PTK2: variants seen among roughly 807,000 people sequenced by gnomAD.
PTK2 encodes protein tyrosine kinase 2.
In PTK2, 45 loss-of-function variants were observed where a neutral mutation model predicts 150.1. That is an observed-to-expected ratio of 0.30 (90% CI 0.24 to 0.38). The LOEUF is 0.38. Among genes scored for constraint, PTK2 ranks in the 10% least tolerant of loss-of-function variants. The pLI, the probability that PTK2 is intolerant of heterozygous loss-of-function variation, is 1.00. For synonymous variants in PTK2, 432 were observed against 449.2 expected (o/e 0.96, Z 0.48); for missense variants, 919 against 1,307.3 (o/e 0.70, Z 4.58).
At chr8:140,793,645 G>C (rs2100089896) in intron 12 of PTK2, among the ~76,000 whole-genome samples, 1 of 152,202 alleles carries the variant, frequency 6.6e-6, no homozygotes, top group Non-Finnish European at 1.5e-5. Flanking sequence ...GTTGGTGAAA[G>C]ACTTCGTTTG....
chr8:140,729,903 C>T (rs955306725), intron 22 of PTK2, among the ~76,000 whole-genome samples: 1 of 152,092 alleles, frequency 6.6e-6, no homozygotes, highest in Non-Finnish European at 1.5e-5. Flanking sequence ...CGTAAACTAA[C>T]GATGAAGATA....
At chr8:140,830,762 T>C (rs1465313647) in intron 7 of PTK2, among the ~76,000 whole-genome samples, 1 of 152,244 alleles carries the variant, frequency 6.6e-6, no homozygotes, top group Non-Finnish European at 1.5e-5. Flanking sequence ...GAAATCCTTT[T>C]GGTTTTTTCT....
intron 8 of PTK2, among the ~76,000 whole-genome samples, chr8:140,824,011 T>A (rs6578140): frequency 0.58 from 88,325 of 152,026 alleles, 27,291 homozygotes; most frequent in African/African-American, 0.79. Flanking sequence ...TGACTAAGAA[T>A]CTTAAAAAGA....
At chr8:140,676,107 T>C (rs2100013478) in intron 27 of PTK2, among the ~76,000 whole-genome samples, 1 of 152,224 alleles carries the variant, frequency 6.6e-6, no homozygotes, top group Non-Finnish European at 1.5e-5. Context: ...CTGGGCACAG[T>C]GGCTCATGCC....
chr8:140,965,146 T>C (rs1044298143), intron 1 of PTK2, among the ~76,000 whole-genome samples: 1 of 152,220 alleles, frequency 6.6e-6, no homozygotes, highest in African/African-American at 2.4e-5. Context: ...CCAAACTCTT[T>C]ATTATGACCC....
chr8:140,868,293 C>T (rs1392714664), intron 4 of PTK2, among the ~76,000 whole-genome samples: 2 of 152,002 alleles, frequency 1.3e-5, no homozygotes, highest in African/African-American at 4.8e-5. Context: ...AACACAGATG[C>T]CCTCATAAAA....
rs545275720 is a variant in PTK2, at chr8:140,659,488, A to G, written c.3137T>C (p.Leu1046Pro). The G allele has an allele frequency of 1.1e-4, 184 of 1,612,980 alleles. No homozygotes were observed. Among genetic ancestry groups the G allele is most frequent in the East Asian group, 7.4e-4 (33 of 44,886 alleles). ...GGCTCAGTGTGGTCTCGTCTGCCCAAGCATTTTCAGTCTTGCTTGGTCAAT... is the reference window on the plus strand; with the variant it reads ...GGCTCAGTGTGGTCTCGTCTGCCCAGGCATTTTCAGTCTTGCTTGGTCAAT... Residue 1046 changes from leucine (L) to proline (P), a missense_variant, in exon 32 of 32, where the codon CTT (leucine) becomes CCT (proline). Physicochemically the swap from Leu to Pro is moderately conservative, Grantham distance 98. Around this residue, in one of 3 missense-constraint regions of PTK2, gnomAD observed 106 missense variants for 161.8 expected, o/e 0.66. Coordinates refer to ENST00000522684, the Ensembl canonical transcript of PTK2.
At chr8:140,778,023 G>A (rs919176063) in intron 14 of PTK2, among the ~76,000 whole-genome samples, 26 of 152,202 alleles carry the variant, frequency 1.7e-4, no homozygotes, top group Middle Eastern at 3.4e-3. Flanking sequence ...CTCCTCACAC[G>A]GCAGCCTTGG....
chr8:140,843,467 G>C (rs2100123473), intron 7 of PTK2, among the ~76,000 whole-genome samples: 1 of 151,590 alleles, frequency 6.6e-6, no homozygotes, highest in Non-Finnish European at 1.5e-5. Context: ...CATACAGATA[G>C]GGTAGAATAC....
chr8:140,674,539 A>T (rs7464707), intron 28 of PTK2, 135 bp from the exon 32 acceptor site: 1 of 719,276 alleles, frequency 1.4e-6, no homozygotes, highest in African/African-American at 1.8e-5. Flanking sequence ...CAGGAATTCG[A>T]GATCAGCCTG....
intron 7 of PTK2, among the ~76,000 whole-genome samples, chr8:140,839,587 G>A (rs1364089491): frequency 6.6e-6 from 1 of 151,862 alleles, no homozygotes; most frequent in Non-Finnish European, 1.5e-5. Context: ...AATATAAGTG[G>A]TAGAATGAAA....
At chr8:140,707,249 T>C (rs1278175331) in intron 23 of PTK2, among the ~76,000 whole-genome samples, 1 of 152,090 alleles carries the variant, frequency 6.6e-6, no homozygotes. Context: ...GTGATAAAAA[T>C]GTTATAGGCT....
At chr8:140,670,534 CACACAT>C (rs1226410817) in intron 29 of PTK2, among the ~76,000 whole-genome samples, 24 of 118,388 alleles carry the variant, frequency 2.0e-4, no homozygotes, top group African/African-American at 7.6e-4. Flanking sequence ...CACACACACA[CACACAT>C]TGGGAGCTTA....
At chr8:140,669,939 C>T (rs1376691142) in intron 29 of PTK2, 44 of 615,892 alleles carry the variant, frequency 7.1e-5, no homozygotes, top group Non-Finnish European at 1.1e-4. Flanking sequence ...CTCACTGCCC[C>T]AGCATACTGC....
chr8:140,695,009 T>C (rs533916542), intron 26 of PTK2, among the ~76,000 whole-genome samples: 16 of 152,202 alleles, frequency 1.1e-4, no homozygotes, highest in Non-Finnish European at 2.2e-4. Context: ...AAAATCTGCA[T>C]CTCCAGCGCA....
At chr8:140,816,855 T>C (rs535584343) in intron 10 of PTK2, among the ~76,000 whole-genome samples, 3 of 152,354 alleles carry the variant, frequency 2.0e-5, no homozygotes, top group South Asian at 4.1e-4. Flanking sequence ...AGTGACAATA[T>C]GAAGTTTCCT....
intron 29 of PTK2, chr8:140,669,513 G>A: frequency 1.9e-6 from 1 of 531,418 alleles, no homozygotes; most frequent in Non-Finnish European, 3.3e-6. Flanking sequence ...AGATAGAAAA[G>A]CACAAGAATA....
chr8:140,876,305 C>T (rs2100145481), intron 4 of PTK2, among the ~76,000 whole-genome samples: 1 of 152,152 alleles, frequency 6.6e-6, no homozygotes, highest in South Asian at 2.1e-4. Context: ...ATGTCTTTAT[C>T]TCACCCTGTT....
chr8:140,718,780 G>A (rs955955899), intron 22 of PTK2: 2 of 152,176 alleles, frequency 1.3e-5, no homozygotes, highest in Non-Finnish European at 2.9e-5. Context: ...GTCAGGAAAA[G>A]AGACAAAATG....
Sources: allele counts gnomAD v4.1 joint callset (sites outside exome capture counted in the v4.1 genomes callset), GRCh38; gene constraint gnomAD v4.1.1; regional missense constraint gnomAD v4.1.1; transcripts MANE v1.5; gene names NCBI Gene and HGNC (gene_info 2026-07-23, HGNC 2026-07-21).